CCP110: variants seen among roughly 807,000 people sequenced by gnomAD.
CCP110 encodes centriolar coiled-coil protein of 110 kDa.
A neutral mutation model predicts 105.5 loss-of-function variants in CCP110; 43 were observed. The observed-to-expected ratio is 0.41, with a 90% confidence interval of 0.32 to 0.53. The LOEUF is 0.53. Ranked by LOEUF, CCP110 falls within the 20% of genes least tolerant of loss-of-function variation. CCP110 has a pLI of 0.32. For missense variants in CCP110, 1,016 were observed against 1,189.1 expected (o/e 0.85, Z 2.14); for synonymous variants, 353 against 392.1 (o/e 0.90, Z 1.18).
At chr16:19,546,051 C>A (rs1970447260) in intron 11 of CCP110, 161 bp downstream of exon 11, 1 of 556,644 alleles carries the variant, frequency 1.8e-6, no homozygotes, top group Admixed American at 3.4e-5. Flanking sequence ...AAATCAGGTG[C>A]TAAAATCTCA....
chr16:19,549,080 C>T (rs1484204544), intron 14 of CCP110, among the ~76,000 whole-genome samples: 1 of 152,066 alleles, frequency 6.6e-6, no homozygotes, highest in Non-Finnish European at 1.5e-5. Context: ...CTAAATCTCT[C>T]CTTATGTTCA....
intron 4 of CCP110, among the ~76,000 whole-genome samples, chr16:19,539,341 T>G (rs1970195398): frequency 1.3e-5 from 2 of 150,632 alleles, no homozygotes; most frequent in Non-Finnish European, 1.5e-5. Flanking sequence ...TCAGACTGCT[T>G]AAAACCTGTG....
chr16:19,525,466 T>C (rs748788378), intron 1 of CCP110: 1 of 152,196 alleles, frequency 6.6e-6, no homozygotes, highest in Non-Finnish European at 1.5e-5. Flanking sequence ...ACAGTGGTAA[T>C]TGTAGTGTGA....
At chr16:19,529,637 C>T (rs1353630558) in intron 2 of CCP110, among the ~76,000 whole-genome samples, 1 of 152,136 alleles carries the variant, frequency 6.6e-6, no homozygotes, top group Non-Finnish European at 1.5e-5. Flanking sequence ...TGACACTGCT[C>T]CCCTAAATAT....
chr16:19,536,132 A>G (rs1970046517), exon 4 of CCP110: 1 of 1,613,950 alleles, frequency 6.2e-7, no homozygotes, highest in Non-Finnish European at 8.5e-7. Flanking sequence ...GGACCAATGT[A>G]AAACTGATGG....
chr16:19,536,651 C>T lies in CCP110; in HGVS notation c.982C>T (p.Arg328Ter), dbSNP rs1462705993. The T allele has an allele frequency of 5.0e-6, 8 of 1,614,002 alleles. No homozygotes were observed. The highest frequency in any genetic ancestry group is 3.3e-5 in the South Asian group (3 of 91,082). Residue 328 changes from arginine (R) to a stop codon, truncating the protein, a stop_gained, in exon 4 of 15, where the codon CGA (arginine) becomes TGA (stop). Coordinates refer to ENST00000381396, the Ensembl canonical transcript of CCP110. LOFTEE classifies it high-confidence loss of function. ...CTTTTCGAAAGTGGACATACCTATA[C>T]GAACTGGCCATCCCACTGTTCTAGA...
rs968930617 is a variant in CCP110 at position 19,532,474 on chromosome 16, A to T, written c.200A>T (p.Glu67Val). The change falls in exon 3 of 15, where the codon GAA becomes GTA. Residue 67 changes from glutamate (E) to valine (V), a missense_variant. Coordinates refer to ENST00000381396, the Ensembl canonical transcript of CCP110. Reference sequence around the variant, plus strand: ...GAAAAGCAGAAAGCACTTGATGTAGAAGCAAGAAAGCAGGTTAACAGGAAG... The same window carrying T: ...GAAAAGCAGAAAGCACTTGATGTAGTAGCAAGAAAGCAGGTTAACAGGAAG... 2.1e-5 allele frequency: 34 copies of T among 1,610,920 alleles called. No individual in the cohort carries two copies. The highest frequency in any genetic ancestry group is 2.7e-5 in the Non-Finnish European group (32 of 1,178,920).
chr16:19,529,473 A>G (rs1032400557), intron 2 of CCP110, among the ~76,000 whole-genome samples: 1 of 152,260 alleles, frequency 6.6e-6, no homozygotes, highest in Non-Finnish European at 1.5e-5. Flanking sequence ...AGGATAGTGC[A>G]GTGACCACCC....
At chr16:19,544,511 A>G (rs985532563) in intron 8 of CCP110, among the ~76,000 whole-genome samples, 13 of 152,372 alleles carry the variant, frequency 8.5e-5, no homozygotes, top group African/African-American at 3.1e-4. Context: ...CCTAAACAAT[A>G]TAACAACTAT....
At chr16:19,532,666 A>T in intron 3 of CCP110, 122 bp downstream of exon 3, 5 of 745,432 alleles carry the variant, frequency 6.7e-6, no homozygotes, top group South Asian at 2.1e-5. Context: ...TACGTTTGAG[A>T]AGCTTCATAA....
intron 3 of CCP110, among the ~76,000 whole-genome samples, chr16:19,533,175 A>G (rs1401912754): frequency 6.6e-6 from 1 of 152,208 alleles, no homozygotes; most frequent in Non-Finnish European, 1.5e-5. Flanking sequence ...TTCTGCTGGT[A>G]ACATCTTTTT....
intron 8 of CCP110, among the ~76,000 whole-genome samples, chr16:19,543,562 C>A (rs576301948): frequency 8.5e-5 from 13 of 152,212 alleles, no homozygotes; most frequent in Non-Finnish European, 1.3e-4. Context: ...TGACTGCCTG[C>A]GAGGTCGGGC....
At chr16:19,534,048 A>G (rs1969967738) in intron 3 of CCP110, among the ~76,000 whole-genome samples, 1 of 152,220 alleles carries the variant, frequency 6.6e-6, no homozygotes, top group African/African-American at 2.4e-5. Context: ...AGAATTGTTA[A>G]TGAGAGTCAT....
At chr16:19,534,021 T>C (rs989278509) in intron 3 of CCP110, among the ~76,000 whole-genome samples, 1 of 152,152 alleles carries the variant, frequency 6.6e-6, no homozygotes, top group Non-Finnish European at 1.5e-5. Flanking sequence ...AGACGCAGGC[T>C]GAGAGGTAGT....
At chr16:19,550,373 G>A (rs773465581) in intron 14 of CCP110, among the ~76,000 whole-genome samples, 10 of 152,076 alleles carry the variant, frequency 6.6e-5, no homozygotes, top group African/African-American at 7.2e-5. Flanking sequence ...GGCTAGTCTC[G>A]AACGCCTGAC....
chr16:19,545,873 T>C (rs1256671178), exon 11 of CCP110: 3 of 1,600,818 alleles, frequency 1.9e-6, no homozygotes, highest in East Asian at 4.5e-5. Flanking sequence ...AGTCTCTTGA[T>C]AGGAAGAAAT....
At chr16:19,536,534 A>T in exon 4 of CCP110, 1 of 1,614,180 alleles carries the variant, frequency 6.2e-7, no homozygotes, top group Non-Finnish European at 8.5e-7. Flanking sequence ...TGTCTCAGTT[A>T]TTCCTGACAA....
At chr16:19,529,874 T>C (rs1046290164) in intron 2 of CCP110, among the ~76,000 whole-genome samples, 4 of 152,228 alleles carry the variant, frequency 2.6e-5, no homozygotes, top group Non-Finnish European at 5.9e-5. Flanking sequence ...TAATCTAAAA[T>C]AGCTACTGTA....
chr16:19,525,333 T>G (rs1208184119), intron 1 of CCP110: 1 of 152,250 alleles, frequency 6.6e-6, no homozygotes, highest in African/African-American at 2.4e-5. Flanking sequence ...TGTCTGAACC[T>G]GCTGTAGCTG....
Sources: gnomAD v4.1 joint callset for allele counts (sites outside exome capture counted in the v4.1 genomes callset) on GRCh38, gnomAD v4.1.1 for gene constraint, MANE v1.5 for transcripts, NCBI Gene and HGNC (gene_info 2026-07-23, HGNC 2026-07-21) for gene names.